The following USP42 variants were observed in gnomAD, a reference collection of about 807,000 sequenced individuals.
USP42 encodes ubiquitin specific peptidase 42.
A neutral mutation model predicts 113.0 loss-of-function variants in USP42; 23 were observed. The observed-to-expected ratio is 0.20, with a 90% CI of 0.15 to 0.29. The LOEUF is 0.29. USP42 is among the 10% of genes least tolerant of loss of function. The pLI, the probability that USP42 is intolerant of heterozygous loss-of-function variation, is 1.00. For missense variants in USP42, 2,174 were observed against 1,779.8 expected (o/e 1.22, Z -3.99); for synonymous variants, 933 against 699.0 (o/e 1.33, Z -5.28).
chr7:6,149,000 G>C (rs1190925269), intron 12 of USP42, among the ~76,000 whole-genome samples: 1 of 152,164 alleles, frequency 6.6e-6, no homozygotes. Flanking sequence ...GGAGACGCTG[G>C]GAAGGCCACA....
rs532462789 is a variant in USP42, at chr7:6,160,039, G to GA, written c.*37-516_*37-515insA. The stretch of plus-strand genomic sequence containing the variant: ...GACCTCGGAGCTGTGGGGCTTTGTT[G>GA]GATCACTTCACACAGCGGTCCTGGG... On this transcript the variant is annotated intron_variant, in intron 17 of 17. Transcript: ENST00000306177. Among the ~76,000 whole-genome samples the GA allele has an allele frequency of 1.1e-3, 164 of 152,232 alleles. 1 individual carries two copies. The highest frequency in any genetic ancestry group is 1.3e-3 in the Non-Finnish European group (88 of 68,050).
chr7:6,139,944 C>T lies in USP42; in HGVS notation c.657-184C>T. On this transcript the variant is annotated intron_variant, in intron 5 of 17. Transcript: ENST00000306177. This position sits in a 1 kb window ranked among gnomAD's most constrained non-coding sequence, Gnocchi z 4.5. The stretch of plus-strand genomic sequence containing the variant: ...TGCGTCTCCTCCCGCCACTCCCAGA[C>T]CTCCCTGTGTTCTGGCCAGGAAGGG... 1 of 634,066 alleles carries T rather than the reference C, an allele frequency of 1.6e-6. No homozygotes were observed. Among genetic ancestry groups the T allele is most frequent in the Middle Eastern group, 2.5e-4 (1 of 3,962 alleles). 39.3% of individuals were successfully genotyped at this position (634,066 alleles called of 1,614,324 possible).
chr7:6,132,234 CT>C (rs1780889929), intron 3 of USP42, among the ~76,000 whole-genome samples: 1 of 152,170 alleles, frequency 6.6e-6, no homozygotes, highest in South Asian at 2.1e-4. Flanking sequence ...CGTTCTTTTT[CT>C]TTTAATACTT....
chr7:6,122,488 T>C (rs941817536), intron 3 of USP42, among the ~76,000 whole-genome samples: 1 of 152,114 alleles, frequency 6.6e-6, no homozygotes, highest in African/African-American at 2.4e-5. Context: ...TTGTTTGTTT[T>C]GAGACAGAGT....
the USP42 span, among the ~76,000 whole-genome samples, chr7:6,093,397 T>C: frequency 6.6e-6 from 1 of 150,492 alleles, no homozygotes; most frequent in Non-Finnish European, 1.5e-5. Flanking sequence ...GTGATTCTCA[T>C]GCCTCAGATT....
intron 3 of USP42, among the ~76,000 whole-genome samples, chr7:6,118,525 AAAAAG>A (rs1215210243): frequency 6.6e-6 from 1 of 152,076 alleles, no homozygotes; most frequent in Admixed American, 6.6e-5. Context: ...GTCTCAAGGA[AAAAAG>A]AAAAGACAAG....
Position 6,154,773 on chromosome 7 carries a change from C to T in USP42, c.3219C>T (p.Asp1073=), listed in dbSNP as rs781367568. 27 of 1,553,798 alleles carry T rather than the reference C, an allele frequency of 1.7e-5. No individual in the cohort carries two copies. Among genetic ancestry groups the T allele is most frequent in the Middle Eastern group, 1.7e-4 (1 of 6,006 alleles). The change falls in exon 15 of 18, where the codon GAC becomes GAT. Residue 1073 remains aspartate (D), a synonymous_variant. Transcript: ENST00000306177. The part of the protein sequence containing the change: ...HDRYALYAAR[D]WKPFHGGREH... Reference sequence around the variant, plus strand: ...GGTACGCCCTGTACGCTGCCCGGGACTGGAAGCCCTTCCACGGCGGCCGCG... The same window carrying T: ...GGTACGCCCTGTACGCTGCCCGGGATTGGAAGCCCTTCCACGGCGGCCGCG...
intron 3 of USP42, among the ~76,000 whole-genome samples, chr7:6,133,705 A>T (rs1037808342): frequency 6.6e-6 from 1 of 152,010 alleles, no homozygotes; most frequent in South Asian, 2.1e-4. Context: ...TTTTTAGTAG[A>T]GATGGGGTTT....
chr7:6,156,613 C>T (rs1186096568), intron 15 of USP42, 141 bp from the exon 16 acceptor site: 1 of 1,307,702 alleles, frequency 7.6e-7, no homozygotes, highest in South Asian at 1.9e-5. Context: ...CCATACCTGG[C>T]CTACGTGGCT....
rs889493674 is a variant in USP42 at position 6,159,847 on chromosome 7, C to A, written c.*36+354C>A. Among the ~76,000 whole-genome samples, 1 of 152,112 alleles carries A rather than the reference C, an allele frequency of 6.6e-6. No individual in the cohort carries two copies. Among genetic ancestry groups the A allele is most frequent in the African/African-American group, 2.4e-5 (1 of 41,416 alleles). On this transcript the variant is annotated intron_variant, in intron 17 of 17. Coordinates refer to ENST00000306177, the MANE Select transcript of USP42 (RefSeq NM_032172.3). This position sits in a 1 kb window ranked among gnomAD's most constrained non-coding sequence, Gnocchi z 4.1. ...ATCTGGGAAGGGAGAGGCCCGGTCC[C>A]CAGCACAGGCACCTCACTCAGGAGA...
At chr7:6,092,066 C>CT in the USP42 span, among the ~76,000 whole-genome samples, 2 of 67,862 alleles carry the variant, frequency 2.9e-5, no homozygotes, top group African/African-American at 6.5e-5. Flanking sequence ...TCTTCTTCTT[C>CT]TTCTTCTTCC....
chr7:6,137,296 T>C (rs1781200380), intron 4 of USP42, among the ~76,000 whole-genome samples: 1 of 152,210 alleles, frequency 6.6e-6, no homozygotes. Flanking sequence ...CTTTGAAATA[T>C]TGTTGAAGCC....
the USP42 span, among the ~76,000 whole-genome samples, chr7:6,087,463 A>C: frequency 4.7e-5 from 7 of 148,024 alleles, 1 homozygote. Context: ...CAGCCTCCTG[A>C]GTAGCTGGGA....
chr7:6,128,982 G>C (rs1386443238), intron 3 of USP42, among the ~76,000 whole-genome samples: 1 of 151,968 alleles, frequency 6.6e-6, no homozygotes, highest in African/African-American at 2.4e-5. Flanking sequence ...GACCATGCCT[G>C]GCTAATTTTT....
chr7:6,111,524 C>A, intron 2 of USP42, 150 bp downstream of exon 2: 1 of 902,844 alleles, frequency 1.1e-6, no homozygotes, highest in Non-Finnish European at 1.6e-6. Context: ...CTTTGTTTTC[C>A]TGTTACTTGT....
chr7:6,091,309 C>G, the USP42 span, among the ~76,000 whole-genome samples: 34 of 150,950 alleles, frequency 2.3e-4, no homozygotes, highest in Middle Eastern at 0.01. Flanking sequence ...ACTGCAGCCT[C>G]AAACTCCTGG....
the USP42 span, among the ~76,000 whole-genome samples, chr7:6,086,034 CT>C: frequency 2.8e-4 from 40 of 144,576 alleles, 1 homozygote; most frequent in African/African-American, 6.7e-4. Flanking sequence ...TAACCACCCT[CT>C]TTTTTTTTTT....
At chr7:6,104,529 G>T (rs1295380581), upstream of USP42, among the ~76,000 whole-genome samples, 1 of 152,266 alleles carries the variant, frequency 6.6e-6, no homozygotes, top group Non-Finnish European at 1.5e-5. Flanking sequence ...AGACTCCTGC[G>T]TCCCCAGGTG....
the USP42 span, among the ~76,000 whole-genome samples, chr7:6,083,282 G>A: frequency 1.4e-5 from 2 of 145,394 alleles, no homozygotes; most frequent in Non-Finnish European, 3.0e-5. Context: ...TTTAGATACA[G>A]TCTAGCGCTG....
Sources: gnomAD v4.1 joint callset for allele counts (sites outside exome capture counted in the v4.1 genomes callset) on GRCh38, gnomAD v4.1.1 for gene constraint, Gnocchi (gnomAD v3.1) non-coding constraint, MANE v1.5 for transcripts, NCBI Gene and HGNC (gene_info 2026-07-23, HGNC 2026-07-21) for gene names.